Variants in UNC13A observed in about 807,000 individuals in gnomAD.
UNC13A encodes the protein protein unc-13 homolog A.
A neutral mutation model predicts 219.7 loss-of-function variants in UNC13A; 61 were observed. The observed-to-expected ratio is 0.28, with a 90% CI of 0.23 to 0.34. UNC13A has a LOEUF of 0.34. Among genes scored for constraint, UNC13A ranks in the 10% least tolerant of loss-of-function variants. The pLI is 1.00. For missense variants in UNC13A, 1,476 were observed against 2,270.3 expected (o/e 0.65, Z 7.11); for synonymous variants, 920 against 884.6 (o/e 1.04, Z -0.71).
intron 8 of UNC13A, among the ~76,000 whole-genome samples, chr19:17,659,185 G>A (rs1191112597): frequency 2.0e-5 from 3 of 152,198 alleles, no homozygotes; most frequent in African/African-American, 4.8e-5. Context: ...GCTCACACCT[G>A]TAATCCCAGC....
Position 17,634,719 on chromosome 19 carries a change from G to A in UNC13A, c.3215+1305C>T, listed in dbSNP as rs117137114. 1.7e-3 allele frequency among the ~76,000 whole-genome samples: 256 copies of A among 152,130 alleles called. 3 individuals carry two copies. The East Asian group carries it at 0.041, about 24-fold the overall frequency. On this transcript the variant is annotated intron_variant, in intron 26 of 43. Coordinates refer to ENST00000519716, the MANE Select transcript of UNC13A (RefSeq NM_001080421.3). ...TTATTTACTTATTTATTTAGAGACG[G>A]AGTCTCGCTCTGTCACCCCAGGCTG...
intron 43 of UNC13A, among the ~76,000 whole-genome samples, chr19:17,608,515 TTATATAA>T (rs202027846): frequency 0.052 from 7,420 of 143,418 alleles, 278 homozygotes; most frequent in Non-Finnish European, 0.081. Flanking sequence ...TTATATATAA[TTATATAA>T]TATATATTTC....
chr19:17,652,554 G>T, intron 12 of UNC13A, 77 bp downstream of exon 12: 1 of 1,591,162 alleles, frequency 6.3e-7, no homozygotes, highest in Non-Finnish European at 8.6e-7. Flanking sequence ...TCCTCTCTGG[G>T]CTGAGGCTCA....
intron 43 of UNC13A, among the ~76,000 whole-genome samples, chr19:17,607,561 A>T (rs2076546958): frequency 6.8e-6 from 1 of 147,142 alleles, no homozygotes; most frequent in Non-Finnish European, 1.5e-5. Flanking sequence ...TACAAGCGTC[A>T]GCCACCGCGC....
intron 1 of UNC13A, among the ~76,000 whole-genome samples, chr19:17,683,822 C>T (rs2080062829): frequency 6.6e-6 from 1 of 152,120 alleles, no homozygotes; most frequent in Admixed American, 6.5e-5. Context: ...GGCGTGGTGG[C>T]TCACACCTGT....
intron 25 of UNC13A, 109 bp from the exon 26 acceptor site, chr19:17,636,266 G>A: frequency 7.5e-7 from 1 of 1,328,294 alleles, no homozygotes; most frequent in Admixed American, 2.6e-5. Context: ...CCATCATCAT[G>A]TGTATGGTTC....
At chr19:17,639,761 A>G in intron 23 of UNC13A, 79 bp downstream of exon 23, 1 of 1,533,994 alleles carries the variant, frequency 6.5e-7, no homozygotes, top group Admixed American at 1.7e-5. Context: ...CCTCCCATGC[A>G]CACACCTGCT....
At chr19:17,618,396 G>A (rs752782040) in intron 40 of UNC13A, 25 bp downstream of exon 40, 44 of 1,561,916 alleles carry the variant, frequency 2.8e-5, no homozygotes, top group Admixed American at 5.8e-5. Context: ...CCCCACCTGG[G>A]ATGGGGAGGG....
intron 42 of UNC13A, 78 bp from the exon 43 acceptor site, chr19:17,610,177 T>C (rs1468755914): frequency 3.1e-6 from 5 of 1,591,706 alleles, no homozygotes; most frequent in Non-Finnish European, 4.3e-6. Flanking sequence ...TCTCAAAACC[T>C]GCCCAAGGCT....
At chr19:17,628,189 G>A in intron 31 of UNC13A, 2 of 549,288 alleles carry the variant, frequency 3.6e-6, no homozygotes, top group Non-Finnish European at 6.5e-6. Context: ...AGGCCTGGTG[G>A]GGGGTCCATG....
In UNC13A at chr19:17,622,043, G is replaced by A. The variant is rs768020633; in HGVS notation, c.4204-173C>T. 1.1e-4 allele frequency among the ~76,000 whole-genome samples: 17 copies of A among 152,188 alleles called. 1 individual carries two copies. Among genetic ancestry groups the A allele is most frequent in the South Asian group, 8.3e-4 (4 of 4,832 alleles). On this transcript the variant is annotated intron_variant, in intron 36 of 43. Coordinates refer to ENST00000519716, the MANE Select transcript of UNC13A (RefSeq NM_001080421.3). ...TGTGTGTCTGTGTGTGTGCACACAC[G>A]TGCATGCGCTTTAGTGACTCACTCT...
chr19:17,609,938 A>G lies in UNC13A; in HGVS notation c.4811+2T>C, dbSNP rs1427155202. 1 of 1,612,980 alleles carries G rather than the reference A, an allele frequency of 6.2e-7. No individual in the cohort carries two copies. Among genetic ancestry groups the G allele is most frequent in the East Asian group, 2.2e-5 (1 of 44,856 alleles). On this transcript the variant is annotated splice_donor_variant, in intron 43 of 43. Transcript: ENST00000519716. LOFTEE classifies it high-confidence loss of function. ...ATGCTCTTCAAAGCATCCCAAACTC[A>G]CAACTGGAAGCTCTCATTGTACTTG...
rs1441426265 is a variant in UNC13A, at chr19:17,604,210, G to A, written c.*1844C>T. On this transcript the variant is annotated 3_prime_UTR_variant, in exon 44 of 44. Coordinates refer to ENST00000519716, the MANE Select transcript of UNC13A (RefSeq NM_001080421.3). ...CACTGGTTTTAGTCTTCACAAAACAGCTTTTGCAGGCTGGAATCCAGTCTC... is the reference window on the plus strand; with the variant it reads ...CACTGGTTTTAGTCTTCACAAAACAACTTTTGCAGGCTGGAATCCAGTCTC... 1 of 152,190 alleles carries A rather than the reference G, an allele frequency of 6.6e-6. No homozygotes were observed. The highest frequency in any genetic ancestry group is 1.5e-5 in the Non-Finnish European group (1 of 68,066). The allele number at this position is 152,190 out of a possible 1,614,324, so 9.4% of individuals were successfully genotyped here.
chr19:17,619,403 T>C (rs1423390981), intron 38 of UNC13A, among the ~76,000 whole-genome samples: 1 of 151,752 alleles, frequency 6.6e-6, no homozygotes, highest in African/African-American at 2.4e-5. Flanking sequence ...ATTTCCCCTG[T>C]AATCTGGGAG....
intron 26 of UNC13A, among the ~76,000 whole-genome samples, chr19:17,634,538 C>G (rs1234760197): frequency 6.6e-6 from 1 of 152,056 alleles, no homozygotes; most frequent in Admixed American, 6.5e-5. Flanking sequence ...TGGGGTTTTG[C>G]CATGTTGGCC....
At chr19:17,663,764 G>A (rs2079593774) in intron 7 of UNC13A, among the ~76,000 whole-genome samples, 197 bp from the exon 8 acceptor site, 1 of 151,994 alleles carries the variant, frequency 6.6e-6, no homozygotes, top group South Asian at 2.1e-4. Context: ...TGGGAGGAAG[G>A]TGGGATATCC....
chr19:17,606,155 T>G lies in UNC13A; in HGVS notation c.5011A>C (p.Ile1671Leu). 1.9e-6 allele frequency: 3 copies of G among 1,585,440 alleles called. No homozygotes were observed. Among genetic ancestry groups the G allele is most frequent in the Non-Finnish European group, 2.6e-6 (3 of 1,167,640 alleles). The stretch of plus-strand genomic sequence containing the variant: ...TCGTCGTTGCTGCGCTGCGAGAGGA[T>G]TCGCAGCACCGTGAGGCCCGTGTCG... ...MDDTGLTVLR[I>L]LSQRSNDEVA... The change falls in exon 44 of 44, where the codon ATC becomes CTC. Residue 1671 changes from isoleucine (I) to leucine (L), a missense_variant. This residue lies in a region of UNC13A where 187 missense variants were observed against 172.3 expected (regional missense o/e 1.09). Coordinates refer to ENST00000519716, the MANE Select transcript of UNC13A (RefSeq NM_001080421.3).
In UNC13A at chr19:17,601,740, G is replaced by A. The variant is rs984688433; in HGVS notation, c.*4314C>T. 6.6e-6 allele frequency: 1 copy of A among 152,496 alleles called. No individual in the cohort carries two copies. Among genetic ancestry groups the A allele is most frequent in the African/African-American group, 2.4e-5 (1 of 41,452 alleles). 9.4% of individuals were successfully genotyped at this position (152,496 alleles called of 1,614,324 possible). ...CCTCCGCCTGTGACCTGTGTCTCCA[G>A]AGAGCCACTATGGCTGGACGGGGGT... On this transcript the variant is annotated 3_prime_UTR_variant, in exon 44 of 44. Coordinates refer to ENST00000519716, the MANE Select transcript of UNC13A (RefSeq NM_001080421.3).
intron 40 of UNC13A, among the ~76,000 whole-genome samples, 175 bp from the exon 41 acceptor site, chr19:17,618,024 G>A (rs1025770925): frequency 6.6e-6 from 1 of 152,158 alleles, no homozygotes; most frequent in Non-Finnish European, 1.5e-5. Context: ...CTCACATGCC[G>A]TCTTCCAGGA....
Sources: gnomAD v4.1 joint callset for allele counts (sites outside exome capture counted in the v4.1 genomes callset) on GRCh38, gnomAD v4.1.1 for gene constraint, gnomAD v4.1.1 regional missense constraint, MANE v1.5 for transcripts, NCBI Gene and HGNC (gene_info 2026-07-23, HGNC 2026-07-21) for gene names.